Variants in GBP5 observed in about 807,000 individuals in gnomAD.
GBP5 encodes the protein guanylate-binding protein 5.
In GBP5, 48 loss-of-function variants were observed where a neutral mutation model predicts 58.2. The ratio of observed to expected loss-of-function variants is 0.83; its 90% CI spans 0.65 to 1.05. GBP5 has a LOEUF of 1.05. GBP5 is among the 50% of genes least tolerant of loss of function. The pLI is 0.00. For missense variants in GBP5, 714 were observed against 686.8 expected, an observed-to-expected ratio of 1.04 and a Z score of -0.44; for synonymous variants, 248 against 251.8, an observed-to-expected ratio of 0.98 and a Z score of 0.14.
chr1:89,271,664 C>T (rs1468922292), intron 1 of GBP5: 1 of 152,130 alleles, frequency 6.6e-6, no homozygotes, highest in Admixed American at 6.5e-5. Flanking sequence ...AAGGAAAAGG[C>T]TCTTATTAAG....
Position 89,256,313 on chromosome 1 carries a change from CAT to C in GBP5, c.*4389_*4390del, listed in dbSNP as rs1235505293. On this transcript the variant is annotated 3_prime_UTR_variant, in exon 12 of 12. Coordinates refer to ENST00000370459, the MANE Select transcript of GBP5 (RefSeq NM_052942.5). ...CAAAATTACATTACTTAGGAGCTCA[CAT>C]GTTTATAATAAAATCCTAGAAAATA... Among the ~76,000 whole-genome samples, 10 of 152,212 alleles carry C rather than the reference CAT, an allele frequency of 6.6e-5. No individual in the cohort carries two copies. The highest frequency in any genetic ancestry group is 1.3e-4 in the Non-Finnish European group (9 of 68,000).
chr1:89,265,264 A>G (rs1322933609), intron 7 of GBP5, among the ~76,000 whole-genome samples: 1 of 152,170 alleles, frequency 6.6e-6, no homozygotes, highest in Non-Finnish European at 1.5e-5. Flanking sequence ...TGATCATATA[A>G]AAGTCAAACA....
intron 11 of GBP5, among the ~76,000 whole-genome samples, chr1:89,261,772 G>A (rs879351165): frequency 1.3e-5 from 2 of 152,090 alleles, no homozygotes; most frequent in Non-Finnish European, 2.9e-5. Flanking sequence ...GCAAGAACAG[G>A]GGCATAGACA....
rs995340920 is a variant in GBP5, at chr1:89,260,568, T to C, written c.*136A>G. 2 of 610,268 alleles carry C rather than the reference T, an allele frequency of 3.3e-6. No homozygotes were observed. Among genetic ancestry groups the C allele is most frequent in the Non-Finnish European group, 5.8e-6 (2 of 345,560 alleles). The allele number at this position is 610,268 out of a possible 1,614,324, so 37.8% of individuals were successfully genotyped here. On this transcript the variant is annotated 3_prime_UTR_variant, in exon 12 of 12. Coordinates refer to ENST00000370459, the MANE Select transcript of GBP5 (RefSeq NM_052942.5). The stretch of plus-strand genomic sequence containing the variant: ...TTACCAGATACCAGCATCATAATCT[T>C]ATAACTCTATATGAAAGTTTGAAAA...
intron 7 of GBP5, 150 bp downstream of exon 7, chr1:89,266,196 C>G: frequency 1.5e-6 from 1 of 675,602 alleles, no homozygotes; most frequent in Non-Finnish European, 2.5e-6. Flanking sequence ...ATGTGATACC[C>G]ACTGAAACTT....
intron 7 of GBP5, 100 bp downstream of exon 7, chr1:89,266,246 C>G (rs1198942139): frequency 7.1e-6 from 7 of 987,450 alleles, no homozygotes; most frequent in Middle Eastern, 2.3e-4. Context: ...TAGCAATTGC[C>G]TATGCATTTG....
chr1:89,269,637 CA>C, intron 2 of GBP5, 63 bp from the exon 3 acceptor site: 1 of 1,144,434 alleles, frequency 8.7e-7, no homozygotes, highest in Non-Finnish European at 1.3e-6. Context: ...CAAAGGAAGT[CA>C]TTTTGCTTAC....
At chr1:89,261,712 G>A (rs1438553749) in intron 11 of GBP5, among the ~76,000 whole-genome samples, 4 of 152,084 alleles carry the variant, frequency 2.6e-5, no homozygotes, top group South Asian at 2.1e-4. Flanking sequence ...GTAAAGGACC[G>A]GATGAAACAA....
intron 6 of GBP5, 66 bp from the exon 7 acceptor site, chr1:89,266,654 A>G: frequency 7.1e-7 from 1 of 1,405,098 alleles, no homozygotes; most frequent in South Asian, 1.3e-5. Context: ...ATTTACCTTG[A>G]ATAAATGTCC....
chr1:89,267,792 T>A (rs1410441872), intron 4 of GBP5, among the ~76,000 whole-genome samples: 4 of 152,180 alleles, frequency 2.6e-5, no homozygotes, highest in Non-Finnish European at 5.9e-5. Context: ...TTCCAGCACA[T>A]AAAACAAAAT....
intron 1 of GBP5, 184 bp from the exon 2 acceptor site, chr1:89,271,046 C>T (rs1650427190): frequency 6.6e-6 from 1 of 152,132 alleles, no homozygotes; most frequent in Non-Finnish European, 1.5e-5. Flanking sequence ...ATGTTGTCCC[C>T]AATGTCATCT....
At chr1:89,266,844 G>C (rs139254361) in intron 6 of GBP5, 113 bp downstream of exon 6, 18,027 of 677,124 alleles carry the variant, frequency 0.027, 353 homozygotes, top group Non-Finnish European at 0.031. Context: ...TTTTAGGAGA[G>C]CTGGGTGAAT....
Position 89,262,894 on chromosome 1 carries a change from T to C in GBP5, c.1363-109A>G, listed in dbSNP as rs867042587. 3.0e-6 allele frequency: 2 copies of C among 676,926 alleles called. 1 individual carries two copies. Among genetic ancestry groups the C allele is most frequent in the Middle Eastern group, 5.1e-4 (2 of 3,934 alleles). 41.9% of individuals were successfully genotyped at this position (676,926 alleles called of 1,614,324 possible). On this transcript the variant is annotated intron_variant, in intron 9 of 11. Coordinates refer to ENST00000370459, the MANE Select transcript of GBP5 (RefSeq NM_052942.5). ...AGCATCTATTCCTCATAGGAGAGGC[T>C]TGCCATAGGAGAGGCTCCATAGGAG...
intron 2 of GBP5, chr1:89,270,305 A>G (rs1316238581): frequency 6.6e-6 from 1 of 152,234 alleles, no homozygotes; most frequent in Admixed American, 6.5e-5. Flanking sequence ...GAGAAAAAGC[A>G]AATGCCATAA....
Position 89,269,381 on chromosome 1 carries a change from C to A in GBP5, c.175G>T (p.Ala59Ser). The A allele has an allele frequency of 6.2e-7, 1 of 1,613,988 alleles. No homozygotes were observed. Among genetic ancestry groups the A allele is most frequent in the Non-Finnish European group, 8.5e-7 (1 of 1,179,912 alleles). ...TGKSYLMNKL[A>S]GKNKGFSVAS... ...TACCACTCACCCTTGTTCTTCCCAG[C>A]CAGCTTGTTCATCAGGTAGGATTTG... is the stretch of plus-strand genomic sequence containing the variant. Residue 59 changes from alanine to serine, a missense_variant, in exon 3 of 12, where the codon GCT becomes TCT. By Grantham distance (99) the Ala-to-Ser change is moderately conservative (BLOSUM62 1). Coordinates refer to ENST00000370459, the MANE Select transcript of GBP5 (RefSeq NM_052942.5).
Position 89,262,262 on chromosome 1 carries a change from A to G in GBP5, c.1605T>C (p.Asn535=). Residue 535 remains asparagine, a synonymous_variant, in exon 11 of 12, where the codon AAT becomes AAC. Transcript: ENST00000370459. The part of the protein sequence containing the change: ...QVRQMEIAKQ[N]WLAEQQKMQE... ...GCATTTTCTGTTGCTCTGCCAGCCAATTTTGTTTGGCTATCTCCATTTGTC... is the reference window on the plus strand; with the variant it reads ...GCATTTTCTGTTGCTCTGCCAGCCAGTTTTGTTTGGCTATCTCCATTTGTC... 4 of 1,614,096 alleles carry G rather than the reference A, an allele frequency of 2.5e-6. No homozygotes were observed. Among genetic ancestry groups the G allele is most frequent in the Non-Finnish European group, 3.4e-6 (4 of 1,179,992 alleles).
In GBP5 at chr1:89,262,527, C is replaced by A. The variant is rs372532694; in HGVS notation, c.1466-126G>T. ...GGGGTTGTTTTTCCCTTCCAGGTAA[C>A]CACAATGCAGGATCATGCCAGTCAG... On this transcript the variant is annotated intron_variant, in intron 10 of 11. Transcript: ENST00000370459. 32 of 952,848 alleles carry A rather than the reference C, an allele frequency of 3.4e-5. 3 individuals carry two copies. Among genetic ancestry groups the A allele is most frequent in the Admixed American group, 7.1e-5 (3 of 42,450 alleles). The allele number at this position is 952,848 out of a possible 1,614,324, so 59.0% of individuals were successfully genotyped here. A position where few individuals can be genotyped will look rare whatever the true frequency, so the allele number is the denominator to read the frequency against.
At position 89,262,399 on chromosome 1, in the gene GBP5, C is replaced by T; in HGVS notation, c.1468G>A (p.Ala490Thr). 1 of 1,613,200 alleles carries T rather than the reference C, an allele frequency of 6.2e-7. No individual in the cohort carries two copies. Residue 490 changes from alanine (A) to threonine (T), a missense_variant and splice_region_variant, in exon 11 of 12, where the codon GCA becomes ACA. Physicochemically the swap from Ala to Thr is moderately conservative, Grantham distance 58 (BLOSUM62 0). Coordinates refer to ENST00000370459, the MANE Select transcript of GBP5 (RefSeq NM_052942.5). ...TTTTCAGCTTCTGCTTTCACTTGTG[C>T]CTCTGAGGAGAAAAAGATAATCTTC... is the stretch of plus-strand genomic sequence containing the variant. ...LTETEKKKKEAQVKAEAEKAE... is the reference protein window; with the variant it reads ...LTETEKKKKETQVKAEAEKAE...
Position 89,256,694 on chromosome 1 carries a change from C to T in GBP5, c.*4010G>A, listed in dbSNP as rs1187075795. 6.6e-6 allele frequency among the ~76,000 whole-genome samples: 1 copy of T among 152,110 alleles called. No homozygotes were observed. The highest frequency in any genetic ancestry group is 2.4e-5 in the African/African-American group (1 of 41,414). ...CTCTACAGGTTTATGAAGAACATAA[C>T]CTTGATTTCTTCAAATGCATTTTCA... On this transcript the variant is annotated 3_prime_UTR_variant, in exon 12 of 12. Coordinates refer to ENST00000370459, the MANE Select transcript of GBP5 (RefSeq NM_052942.5).
Sources: allele counts gnomAD v4.1 joint callset (sites outside exome capture counted in the v4.1 genomes callset), GRCh38; gene constraint gnomAD v4.1.1; transcripts MANE v1.5; gene names NCBI Gene and HGNC (gene_info 2026-07-23, HGNC 2026-07-21).